ERC2: variants seen among roughly 807,000 people sequenced by gnomAD.
The protein encoded by ERC2 is ELKS/RAB6-interacting/CAST family member 2, also known as ERC protein 2.
A neutral mutation model predicts 114.8 loss-of-function variants in ERC2; 42 were observed. The ratio of observed to expected loss-of-function variants is 0.37; its 90% CI spans 0.29 to 0.47. The LOEUF (loss-of-function observed/expected upper bound fraction) is 0.47, where lower values mean the gene tolerates loss of function less well. Among genes scored for constraint, ERC2 ranks in the 20% least tolerant of loss-of-function variants. The pLI is 0.99. For missense variants in ERC2, 939 were observed against 1,150.7 expected (o/e 0.82, Z 2.66); for synonymous variants, 454 against 425.5 (o/e 1.07, Z -0.82).
chr3:56,177,420 C>A (rs144923371), intron 3 of ERC2, among the ~76,000 whole-genome samples: 128 of 152,280 alleles, frequency 8.4e-4, no homozygotes, highest in African/African-American at 3.0e-3. Context: ...ATAGGTATGA[C>A]TGAGTATAAG....
intron 6 of ERC2, among the ~76,000 whole-genome samples, chr3:56,104,329 A>C (rs9882373): frequency 0.17 from 26,143 of 152,220 alleles, 2,454 homozygotes; most frequent in African/African-American, 0.23. Flanking sequence ...TTTGCTGTGT[A>C]CAACAACCCT....
At chr3:55,613,166 A>C (rs1183418322) in intron 17 of ERC2, 2 of 152,242 alleles carry the variant, frequency 1.3e-5, no homozygotes, top group East Asian at 3.8e-4. Context: ...GTCAGAACCT[A>C]GTTCCAGTTA....
chr3:56,380,452 C>T (rs1244989632), intron 2 of ERC2, among the ~76,000 whole-genome samples: 1 of 152,232 alleles, frequency 6.6e-6, no homozygotes, highest in South Asian at 2.1e-4. Flanking sequence ...GCTGGACACT[C>T]CTCACCGAGA....
intron 2 of ERC2, among the ~76,000 whole-genome samples, chr3:56,432,392 A>G (rs1343531763): frequency 1.3e-5 from 2 of 152,234 alleles, no homozygotes; most frequent in African/African-American, 4.8e-5. Context: ...AGAGAAAACC[A>G]GTATAAAACT....
chr3:55,563,767 A>C (rs1400839881), intron 17 of ERC2, among the ~76,000 whole-genome samples: 1 of 152,062 alleles, frequency 6.6e-6, no homozygotes, highest in South Asian at 2.1e-4. Flanking sequence ...AGAGATGGAA[A>C]GATAGAGAGA....
intron 2 of ERC2, among the ~76,000 whole-genome samples, chr3:56,377,101 A>T (rs74810773): frequency 0.019 from 2,817 of 152,256 alleles, 91 homozygotes; most frequent in African/African-American, 0.065. Flanking sequence ...TAGAGGCCCA[A>T]TGTTAATATC....
chr3:55,811,395 G>A (rs1347779271), intron 14 of ERC2, among the ~76,000 whole-genome samples: 2 of 152,174 alleles, frequency 1.3e-5, no homozygotes, highest in Non-Finnish European at 1.5e-5. Context: ...AAGGGCAGGC[G>A]TTATTTTTTT....
At chr3:56,234,334 AC>A (rs1439329755) in intron 3 of ERC2, among the ~76,000 whole-genome samples, 1 of 152,244 alleles carries the variant, frequency 6.6e-6, no homozygotes, top group Non-Finnish European at 1.5e-5. Context: ...GTAAAATGGC[AC>A]ATACAACTAA....
At chr3:56,166,879 T>C (rs188855577) in intron 4 of ERC2, among the ~76,000 whole-genome samples, 11 of 152,226 alleles carry the variant, frequency 7.2e-5, no homozygotes, top group African/African-American at 2.6e-4. Flanking sequence ...ATGTTTACCC[T>C]CTATTTATTT....
At chr3:55,615,534 C>G (rs1484261494) in intron 17 of ERC2, among the ~76,000 whole-genome samples, 1 of 152,132 alleles carries the variant, frequency 6.6e-6, no homozygotes, top group Non-Finnish European at 1.5e-5. Flanking sequence ...CACCTCCTGA[C>G]TATGGCAGGA....
intron 3 of ERC2, among the ~76,000 whole-genome samples, chr3:56,225,664 C>A (rs1454343229): frequency 1.3e-5 from 2 of 152,184 alleles, no homozygotes; most frequent in Non-Finnish European, 2.9e-5. Context: ...TTGTCTAACA[C>A]CTTCTTACTA....
At chr3:55,900,384 C>T (rs1005476625) in intron 13 of ERC2, among the ~76,000 whole-genome samples, 18 of 152,194 alleles carry the variant, frequency 1.2e-4, no homozygotes, top group Admixed American at 3.9e-4. Context: ...TTTGTCCAGG[C>T]TACTTGGCCA....
At chr3:55,709,232 C>T (rs967295530) in intron 15 of ERC2, among the ~76,000 whole-genome samples, 7 of 151,964 alleles carry the variant, frequency 4.6e-5, no homozygotes, top group African/African-American at 1.7e-4. Context: ...AAGCCAGCAG[C>T]GCCCTCCGAA....
chr3:56,130,679 G>C (rs1467434186), intron 6 of ERC2, among the ~76,000 whole-genome samples: 1 of 152,098 alleles, frequency 6.6e-6, no homozygotes, highest in Non-Finnish European at 1.5e-5. Flanking sequence ...ACCATAAAAA[G>C]CTTTTATGAC....
chr3:56,458,534 C>T (rs1405660096), intron 1 of ERC2, among the ~76,000 whole-genome samples: 2 of 152,106 alleles, frequency 1.3e-5, no homozygotes, highest in Non-Finnish European at 2.9e-5. Flanking sequence ...CCTTGCGTGC[C>T]CACACTAACT....
At chr3:55,775,106 C>G (rs910516698) in intron 14 of ERC2, among the ~76,000 whole-genome samples, 1 of 152,220 alleles carries the variant, frequency 6.6e-6, no homozygotes, top group African/African-American at 2.4e-5. Context: ...ACATGTCCTC[C>G]TGCCTTTAAT....
chr3:56,104,523 C>A, intron 6 of ERC2, among the ~76,000 whole-genome samples: 1 of 152,130 alleles, frequency 6.6e-6, no homozygotes, highest in East Asian at 1.9e-4. Flanking sequence ...ATAAATTTAG[C>A]TGATGATATT....
At chr3:55,716,460 A>G (rs1180096410) in intron 15 of ERC2, among the ~76,000 whole-genome samples, 3 of 152,244 alleles carry the variant, frequency 2.0e-5, no homozygotes, top group Non-Finnish European at 4.4e-5. Context: ...AAGTGGGATC[A>G]GAAGGCCTGA....
At chr3:55,968,472 T>G (rs2068913619) in intron 12 of ERC2, among the ~76,000 whole-genome samples, 1 of 152,210 alleles carries the variant, frequency 6.6e-6, no homozygotes, top group South Asian at 2.1e-4. Flanking sequence ...TCGATTGAGC[T>G]ATTTGCGTAA....
Sources: allele counts gnomAD v4.1 joint callset (sites outside exome capture counted in the v4.1 genomes callset), GRCh38; gene constraint gnomAD v4.1.1; transcripts MANE v1.5; gene names NCBI Gene and HGNC (gene_info 2026-07-23, HGNC 2026-07-21).